The following CSMD1 variants were observed in gnomAD, a reference collection of about 807,000 sequenced individuals.
CSMD1 encodes the protein CUB and sushi domain-containing protein 1.
A neutral mutation model predicts 417.5 loss-of-function variants in CSMD1; 213 were observed. The observed-to-expected ratio is 0.51, with a 90% CI of 0.46 to 0.57. The LOEUF (loss-of-function observed/expected upper bound fraction) is 0.57. CSMD1 is among the 20% of genes least tolerant of loss of function. CSMD1 has a pLI of 0.00. For missense variants in CSMD1, 6,923 were observed against 4,529.7 expected, an observed-to-expected ratio of 1.53 and a Z score of -15.17; for synonymous variants, 2,862 against 1,736.8, an observed-to-expected ratio of 1.65 and a Z score of -16.11.
intron 3 of CSMD1, among the ~76,000 whole-genome samples, chr8:4,151,512 T>C (rs1405713468): frequency 6.6e-6 from 1 of 152,150 alleles, no homozygotes; most frequent in Non-Finnish European, 1.5e-5. Context: ...AAATGGAAGA[T>C]TTTGGTAGTG....
chr8:3,749,993 A>C (rs1162555577), intron 6 of CSMD1, among the ~76,000 whole-genome samples: 1 of 152,154 alleles, frequency 6.6e-6, no homozygotes, highest in Non-Finnish European at 1.5e-5. Flanking sequence ...AAACGGTCAT[A>C]TCAATTCAGA....
intron 1 of CSMD1, among the ~76,000 whole-genome samples, chr8:4,971,688 A>AATATAT (rs5889080): frequency 2.4e-3 from 358 of 148,988 alleles, no homozygotes; most frequent in African/African-American, 4.6e-3. Context: ...ACTATTCTGA[A>AATATAT]ATATATATAT....
intron 1 of CSMD1, among the ~76,000 whole-genome samples, chr8:4,719,098 C>T (rs1808878598): frequency 6.6e-6 from 1 of 152,012 alleles, no homozygotes; most frequent in Non-Finnish European, 1.5e-5. Context: ...TGGTTGGTTT[C>T]TGCACAAAGA....
At chr8:4,195,599 T>A (rs1193065518) in intron 3 of CSMD1, among the ~76,000 whole-genome samples, 2 of 152,102 alleles carry the variant, frequency 1.3e-5, no homozygotes, top group African/African-American at 2.4e-5. Context: ...CTGTCATGAC[T>A]GTGTGATATT....
chr8:3,190,045 A>C lies in CSMD1; in HGVS notation c.5265T>G (p.Ser1755=), dbSNP rs779206733. Residue 1755 remains serine, a synonymous_variant, in exon 34 of 70, where the codon TCT becomes TCG. Transcript: ENST00000635120. ...GGACGATGGAGCCGGCAGAAAACTCAGAACCAATTCTCCTTCCGTATCTGG... is the reference window on the plus strand; with the variant it reads ...GGACGATGGAGCCGGCAGAAAACTCCGAACCAATTCTCCTTCCGTATCTGG... ...PEPRYGRRIG[S]EFSAGSIVRF... 40 of 1,595,872 alleles carry C rather than the reference A, an allele frequency of 2.5e-5. 1 individual carries two copies. Among genetic ancestry groups the C allele is most frequent in the Middle Eastern group, 1.7e-4 (1 of 6,048 alleles).
chr8:4,306,120 G>A (rs559929901), intron 3 of CSMD1, among the ~76,000 whole-genome samples: 2 of 152,282 alleles, frequency 1.3e-5, no homozygotes, highest in East Asian at 1.9e-4. Flanking sequence ...TAAATAGTTG[G>A]TAATGAATAG....
intron 20 of CSMD1, among the ~76,000 whole-genome samples, chr8:3,365,323 C>G (rs559647280): frequency 1.3e-5 from 2 of 152,122 alleles, no homozygotes; most frequent in Non-Finnish European, 2.9e-5. Context: ...TAAATGGCAA[C>G]TAGGTAGAAT....
intron 10 of CSMD1, among the ~76,000 whole-genome samples, chr8:3,549,542 T>C (rs977687953): frequency 2.0e-5 from 3 of 152,320 alleles, no homozygotes; most frequent in African/African-American, 4.8e-5. Flanking sequence ...GATAAATTCA[T>C]TCATGGATGA....
At chr8:3,462,267 A>G (rs920260251) in intron 12 of CSMD1, among the ~76,000 whole-genome samples, 5 of 152,130 alleles carry the variant, frequency 3.3e-5, no homozygotes, top group Middle Eastern at 3.2e-3. Context: ...TTCAGTTTGG[A>G]AGACTATACA....
At chr8:3,399,062 G>A (rs1269096735) in intron 16 of CSMD1, among the ~76,000 whole-genome samples, 1 of 152,116 alleles carries the variant, frequency 6.6e-6, no homozygotes, top group Non-Finnish European at 1.5e-5. Context: ...GGGACCCAGA[G>A]TGGTTTCCAT....
At chr8:4,477,579 C>T (rs770600812) in intron 2 of CSMD1, among the ~76,000 whole-genome samples, 3 of 151,978 alleles carry the variant, frequency 2.0e-5, no homozygotes, top group Admixed American at 6.6e-5. Context: ...TTAAAAATTG[C>T]GAGTTGAGAA....
At chr8:4,617,575 A>G (rs1488518040) in intron 2 of CSMD1, among the ~76,000 whole-genome samples, 1 of 152,132 alleles carries the variant, frequency 6.6e-6, no homozygotes, top group Non-Finnish European at 1.5e-5. Context: ...CTCCTTATCG[A>G]TCCTGAGCAA....
intron 5 of CSMD1, among the ~76,000 whole-genome samples, chr8:3,947,000 T>C (rs908361149): frequency 1.3e-5 from 2 of 152,182 alleles, no homozygotes; most frequent in Non-Finnish European, 1.5e-5. Context: ...ACGTTGGATC[T>C]CATATTTCTA....
intron 3 of CSMD1, among the ~76,000 whole-genome samples, chr8:4,346,711 T>A (rs1421845590): frequency 6.6e-6 from 1 of 152,194 alleles, no homozygotes; most frequent in Non-Finnish European, 1.5e-5. Flanking sequence ...AAATGTCGTA[T>A]TATTTATAAT....
At chr8:3,113,181 G>A (rs541712703) in intron 42 of CSMD1, 1 of 152,230 alleles carries the variant, frequency 6.6e-6, no homozygotes, top group Non-Finnish European at 1.5e-5. Flanking sequence ...GCTCTGCGTG[G>A]AGCACAGCAG....
rs967693387 is a variant in CSMD1, at chr8:4,243,339, T to A, written c.415+176614A>T. 2.6e-5 allele frequency among the ~76,000 whole-genome samples: 4 copies of A among 152,266 alleles called. No homozygotes were observed. The South Asian group carries it at 8.3e-4, about 32-fold the overall frequency. On this transcript the variant is annotated intron_variant, in intron 3 of 69. Coordinates refer to ENST00000635120, the MANE Select transcript of CSMD1 (RefSeq NM_033225.6). ...AATCTGAAATTGCTGTACTAAAGCT[T>A]TGAAAACCTATGCAATGCCGAGAGG...
chr8:3,484,968 T>C (rs572906647), intron 11 of CSMD1, among the ~76,000 whole-genome samples: 9 of 152,096 alleles, frequency 5.9e-5, no homozygotes, highest in African/African-American at 2.2e-4. Context: ...TCATGGGCTG[T>C]GATGTTGGAG....
chr8:4,990,562 A>G (rs1811408631), intron 1 of CSMD1, among the ~76,000 whole-genome samples: 1 of 151,924 alleles, frequency 6.6e-6, no homozygotes, highest in Non-Finnish European at 1.5e-5. Context: ...ATGGGGTTTC[A>G]CTATGTTGGT....
At chr8:2,951,092 T>G (rs1348420904) in intron 66 of CSMD1, 22 bp downstream of exon 66, 6 of 1,605,836 alleles carry the variant, frequency 3.7e-6, no homozygotes, top group Non-Finnish European at 5.1e-6. Context: ...ACCATGCGTT[T>G]AGTGAATTCT....
Sources: gnomAD v4.1 joint callset for allele counts (sites outside exome capture counted in the v4.1 genomes callset) on GRCh38, gnomAD v4.1.1 for gene constraint, MANE v1.5 for transcripts, NCBI Gene and HGNC (gene_info 2026-07-23, HGNC 2026-07-21) for gene names.